DAPP1: variants seen among roughly 807,000 people sequenced by gnomAD.
DAPP1 encodes dual adaptor of phosphotyrosine and 3-phosphoinositides 1.
In DAPP1, 20 loss-of-function variants were observed where a neutral mutation model predicts 41.5. The ratio of observed to expected loss-of-function variants is 0.48; its 90% confidence interval spans 0.34 to 0.70. The LOEUF is 0.70. Among genes scored for constraint, DAPP1 ranks in the 30% least tolerant of loss-of-function variants. The probability of loss-of-function intolerance (pLI) is 0.01; values close to 1 mark genes in which losing one functional copy is unlikely to be tolerated. For missense variants in DAPP1, 233 were observed against 333.4 expected (o/e 0.70, Z 2.35); for synonymous variants, 113 against 116.2 (o/e 0.97, Z 0.18).
intron 5 of DAPP1, 32 bp downstream of exon 5, chr4:99,861,657 A>T: frequency 6.4e-7 from 1 of 1,559,434 alleles, no homozygotes; most frequent in Non-Finnish European, 8.7e-7. Flanking sequence ...CATGCCAGCC[A>T]CAGAAAAAAG....
At chr4:99,859,833 A>G (rs1724175938) in intron 4 of DAPP1, among the ~76,000 whole-genome samples, 1 of 152,134 alleles carries the variant, frequency 6.6e-6, no homozygotes, top group South Asian at 2.1e-4. Context: ...ACACCCTGCC[A>G]GGCTTCAATG....
chr4:99,856,095 AC>A (rs1379058597), intron 4 of DAPP1, among the ~76,000 whole-genome samples: 1 of 152,016 alleles, frequency 6.6e-6, no homozygotes, highest in African/African-American at 2.4e-5. Context: ...TATTAAACAA[AC>A]TTTTTTTTTT....
At chr4:99,831,350 G>T (rs979113584) in intron 1 of DAPP1, among the ~76,000 whole-genome samples, 16 of 152,182 alleles carry the variant, frequency 1.1e-4, no homozygotes, top group Non-Finnish European at 1.5e-4. Context: ...TGTATCATTT[G>T]TAGGATGTTA....
intron 1 of DAPP1, among the ~76,000 whole-genome samples, chr4:99,824,578 G>T (rs866617240): frequency 5.9e-5 from 9 of 152,238 alleles, no homozygotes; most frequent in Middle Eastern, 3.4e-3. Flanking sequence ...TATAGCTGAA[G>T]CTTCCTGAAA....
At chr4:99,821,599 G>A (rs951494551) in intron 1 of DAPP1, among the ~76,000 whole-genome samples, 1 of 152,208 alleles carries the variant, frequency 6.6e-6, no homozygotes, top group African/African-American at 2.4e-5. Flanking sequence ...GAAAAGTAAA[G>A]AACAGAGTTT....
chr4:99,859,073 A>G (rs913130484), intron 4 of DAPP1, among the ~76,000 whole-genome samples: 1 of 151,108 alleles, frequency 6.6e-6, no homozygotes, highest in African/African-American at 2.4e-5. Context: ...TAATATTTGT[A>G]TTTTCATTTT....
intron 3 of DAPP1, among the ~76,000 whole-genome samples, chr4:99,845,179 T>C (rs945529044): frequency 1.1e-4 from 16 of 152,188 alleles, no homozygotes; most frequent in African/African-American, 3.6e-4. Flanking sequence ...ACTCAGAGGT[T>C]TTAAGTCACT....
chr4:99,866,828 G>T, intron 8 of DAPP1, among the ~76,000 whole-genome samples: 1 of 147,102 alleles, frequency 6.8e-6, no homozygotes. Flanking sequence ...GGAGTGCAGT[G>T]GTGTGATCTT....
intron 6 of DAPP1, among the ~76,000 whole-genome samples, chr4:99,863,386 T>G (rs2110167628): frequency 6.6e-6 from 1 of 152,282 alleles, no homozygotes; most frequent in East Asian, 1.9e-4. Context: ...GTCCCTTTAT[T>G]AAAAATACAG....
intron 3 of DAPP1, among the ~76,000 whole-genome samples, chr4:99,846,624 G>A (rs1005497017): frequency 2.6e-5 from 4 of 152,176 alleles, no homozygotes; most frequent in African/African-American, 9.7e-5. Context: ...TAAAGAATTA[G>A]TTTAGGGACA....
chr4:99,822,564 A>T (rs1722808627), intron 1 of DAPP1, among the ~76,000 whole-genome samples: 2 of 152,180 alleles, frequency 1.3e-5, no homozygotes, highest in African/African-American at 4.8e-5. Context: ...TAAAGGAGTG[A>T]TGGTAGCAAA....
intron 4 of DAPP1, among the ~76,000 whole-genome samples, chr4:99,854,931 A>G (rs2110160172): frequency 6.6e-6 from 1 of 152,332 alleles, no homozygotes; most frequent in South Asian, 2.1e-4. Context: ...TTGTCCTTGC[A>G]GCTTTACAGC....
chr4:99,846,760 T>C (rs1481763115), intron 3 of DAPP1, among the ~76,000 whole-genome samples: 1 of 152,202 alleles, frequency 6.6e-6, no homozygotes, highest in Admixed American at 6.5e-5. Context: ...CTTGGATATT[T>C]GAACAGAATT....
In DAPP1 at chr4:99,868,369, G is replaced by A; in HGVS notation, c.*184G>A. 3.3e-6 allele frequency: 2 copies of A among 607,476 alleles called. No homozygotes were observed. The highest frequency in any genetic ancestry group is 2.8e-5 in the East Asian group (1 of 35,762). 37.6% of individuals were successfully genotyped at this position (607,476 alleles called of 1,614,324 possible). A position where few individuals can be genotyped will look rare whatever the true frequency, so the allele number is the denominator to read the frequency against. ...ACTCACGTTGCTGCCCTTCCATGAT[G>A]TTGCCATCTCCTTGAGAACACTGAA... is the stretch of plus-strand genomic sequence containing the variant. On this transcript the variant is annotated 3_prime_UTR_variant, in exon 9 of 9. Transcript: ENST00000512369.
intron 1 of DAPP1, among the ~76,000 whole-genome samples, chr4:99,821,314 CA>C (rs1477399341): frequency 6.6e-6 from 1 of 152,196 alleles, no homozygotes. Context: ...AAGGTGACTT[CA>C]ATAAGCTAAG....
chr4:99,839,201 G>GGAGGTA (rs1723407269), intron 2 of DAPP1, among the ~76,000 whole-genome samples: 1 of 151,422 alleles, frequency 6.6e-6, no homozygotes, highest in Admixed American at 6.6e-5. Flanking sequence ...CTGCAGGGGT[G>GGAGGTA]GAGGTGGAGG....
intron 3 of DAPP1, among the ~76,000 whole-genome samples, chr4:99,840,986 A>C (rs1378891697): frequency 1.3e-5 from 2 of 152,210 alleles, no homozygotes; most frequent in African/African-American, 2.4e-5. Context: ...AAGAAAAAAA[A>C]CACAAAAAAC....
chr4:99,853,491 C>T, intron 4 of DAPP1, 143 bp downstream of exon 4: 2 of 1,181,304 alleles, frequency 1.7e-6, no homozygotes, highest in Non-Finnish European at 2.3e-6. Flanking sequence ...GATTTGAAGC[C>T]TATGACTCAG....
At chr4:99,818,282 G>A (rs1289948994) in intron 1 of DAPP1, among the ~76,000 whole-genome samples, 1 of 152,068 alleles carries the variant, frequency 6.6e-6, no homozygotes, top group Non-Finnish European at 1.5e-5. Flanking sequence ...GAGGTAAAAG[G>A]CCCTTCTGTG....
Sources: gnomAD v4.1 joint callset for allele counts (sites outside exome capture counted in the v4.1 genomes callset) on GRCh38, gnomAD v4.1.1 for gene constraint, MANE v1.5 for transcripts, NCBI Gene and HGNC (gene_info 2026-07-23, HGNC 2026-07-21) for gene names.